The following WDFY3 variants were observed in gnomAD, a reference collection of about 807,000 sequenced individuals.
WDFY3 encodes WD repeat and FYVE domain containing 3, also known as WD repeat and FYVE domain-containing protein 3.
WDFY3 carries 66 observed loss-of-function variants against 409.6 expected under a neutral mutation model. The ratio of observed to expected loss-of-function variants is 0.16; its 90% CI spans 0.13 to 0.20. The LOEUF (loss-of-function observed/expected upper bound fraction) is 0.20, where lower values mean the gene tolerates loss of function less well. WDFY3 is among the 10% of genes least tolerant of loss of function. WDFY3 has a pLI of 1.00. For synonymous variants in WDFY3, 1,521 were observed against 1,537.1 expected (o/e 0.99, Z 0.25); for missense variants, 3,031 against 4,298.1 (o/e 0.71, Z 8.24).
At chr4:84,709,605 TTTGAG>T (rs1327319831) in intron 51 of WDFY3, among the ~76,000 whole-genome samples, 6 of 149,746 alleles carry the variant, frequency 4.0e-5, no homozygotes, top group African/African-American at 1.3e-4. Context: ...GTGAATTTTG[TTTGAG>T]TTGAGTATTT....
At chr4:84,742,722 C>A (rs188483798) in intron 37 of WDFY3, among the ~76,000 whole-genome samples, 133 of 152,272 alleles carry the variant, frequency 8.7e-4, no homozygotes, top group Non-Finnish European at 1.2e-3. Context: ...CACAGTCCTT[C>A]CGAGAATCAA....
At chr4:84,788,953 G>C (rs1372984019) in intron 22 of WDFY3, among the ~76,000 whole-genome samples, 2 of 152,192 alleles carry the variant, frequency 1.3e-5, no homozygotes, top group Non-Finnish European at 2.9e-5. Flanking sequence ...CCAGGAGGTG[G>C]AGGTTGCGGT....
chr4:84,704,787 G>A (rs1731646431), intron 54 of WDFY3, among the ~76,000 whole-genome samples: 2 of 152,090 alleles, frequency 1.3e-5, no homozygotes, highest in African/African-American at 2.4e-5. Flanking sequence ...TTCTGGCTTT[G>A]CAATTATATA....
At chr4:84,727,481 A>G (rs1008747108) in intron 44 of WDFY3, among the ~76,000 whole-genome samples, 2 of 152,178 alleles carry the variant, frequency 1.3e-5, no homozygotes, top group African/African-American at 4.8e-5. Flanking sequence ...AAAGGGTGAA[A>G]GCAGAGGGTA....
At chr4:84,921,850 T>C (rs1769333044) in intron 2 of WDFY3, among the ~76,000 whole-genome samples, 1 of 151,344 alleles carries the variant, frequency 6.6e-6, no homozygotes, top group Admixed American at 6.6e-5. Context: ...AGAGACAAGG[T>C]TTCACCATCT....
intron 5 of WDFY3, among the ~76,000 whole-genome samples, chr4:84,847,485 C>T (rs1461794769): frequency 1.3e-5 from 2 of 150,732 alleles, no homozygotes; most frequent in Non-Finnish European, 3.0e-5. Flanking sequence ...AACAAGAAAC[C>T]GCCGGGCGCA....
intron 40 of WDFY3, among the ~76,000 whole-genome samples, chr4:84,737,765 T>C (rs942021320): frequency 3.3e-5 from 5 of 152,198 alleles, no homozygotes; most frequent in African/African-American, 1.2e-4. Context: ...AGAAATATTT[T>C]GAAAAGACTT....
At chr4:84,813,742 T>C (rs1752857770) in intron 13 of WDFY3, among the ~76,000 whole-genome samples, 1 of 152,074 alleles carries the variant, frequency 6.6e-6, no homozygotes, top group African/African-American at 2.4e-5. Context: ...AAAAATCCAA[T>C]TAATAAGGTA....
At chr4:84,836,822 TA>T in intron 7 of WDFY3, 106 bp downstream of exon 7, 1 of 1,003,658 alleles carries the variant, frequency 1.0e-6, no homozygotes, top group Admixed American at 3.5e-5. Context: ...CTATCATAAA[TA>T]AAATGAAATA....
At chr4:84,957,472 T>C (rs1052097259) in intron 1 of WDFY3, among the ~76,000 whole-genome samples, 13 of 152,208 alleles carry the variant, frequency 8.5e-5, no homozygotes, top group African/African-American at 2.7e-4. Flanking sequence ...GTCTTACATC[T>C]TCTGCAGATA....
At chr4:84,898,043 A>G (rs1327235818) in intron 2 of WDFY3, among the ~76,000 whole-genome samples, 2 of 152,230 alleles carry the variant, frequency 1.3e-5, no homozygotes, top group Non-Finnish European at 2.9e-5. Flanking sequence ...ATGGCATATG[A>G]AAGAGCCTAA....
Position 84,696,177 on chromosome 4 carries a change from C to T in WDFY3, c.8694G>A (p.Leu2898=). 2 of 1,613,870 alleles carry T rather than the reference C, an allele frequency of 1.2e-6. No homozygotes were observed. Among genetic ancestry groups the T allele is most frequent in the South Asian group, 1.1e-5 (1 of 91,030 alleles). Residue 2898 remains leucine (L), a synonymous_variant, in exon 58 of 68, where the codon TTG becomes TTA. Coordinates refer to ENST00000295888, the MANE Select transcript of WDFY3 (RefSeq NM_014991.6). ...REFIRVHREA[L]ECDYVSAHLH... is the part of the protein sequence containing the mutation. ...GATGGGCACTCACGTAATCACACTC[C>T]AAAGCCTGTAATTTCAAACATAGGT...
At chr4:84,929,641 G>A (rs530996491) in intron 2 of WDFY3, among the ~76,000 whole-genome samples, 2 of 152,166 alleles carry the variant, frequency 1.3e-5, no homozygotes, top group Admixed American at 1.3e-4. Context: ...CGGGCGTGGT[G>A]GCTCACGCCT....
At chr4:84,846,542 G>C (rs1365969849) in intron 5 of WDFY3, among the ~76,000 whole-genome samples, 3 of 149,714 alleles carry the variant, frequency 2.0e-5, no homozygotes, top group Non-Finnish European at 1.5e-5. Flanking sequence ...ATGCAGATTA[G>C]GTATTTAAAA....
intron 47 of WDFY3, among the ~76,000 whole-genome samples, chr4:84,719,905 C>A (rs1462486483): frequency 6.6e-6 from 1 of 152,142 alleles, no homozygotes; most frequent in South Asian, 2.1e-4. Context: ...TTAGGGCATA[C>A]ATTTGAACGG....
At chr4:84,827,135 T>C (rs1311081753) in intron 9 of WDFY3, among the ~76,000 whole-genome samples, 154 bp from the exon 10 acceptor site, 2 of 152,154 alleles carry the variant, frequency 1.3e-5, no homozygotes, top group Non-Finnish European at 2.9e-5. Flanking sequence ...GGAATTATCT[T>C]TTAACCACGG....
rs1472548658 is a variant in WDFY3, at chr4:84,829,078, G to A, written c.882C>T (p.Ser294=). The part of the protein sequence containing the change: ...AGLSCFLKDS[S]DVSQTLLDDF... ...CATCCAGAAGTGTTTGGGAAACATC[G>A]CTGGAATCTTTGAGGAAACAAGAAA... is the stretch of plus-strand genomic sequence containing the variant. Residue 294 remains serine (S), a synonymous_variant, in exon 9 of 68, where the codon AGC becomes AGT. Transcript: ENST00000295888. 3.7e-6 allele frequency: 6 copies of A among 1,613,694 alleles called. No homozygotes were observed. The highest frequency in any genetic ancestry group is 1.3e-5 in the African/African-American group (1 of 74,994).
chr4:84,881,903 A>C (rs1171563754), intron 3 of WDFY3, among the ~76,000 whole-genome samples: 1 of 152,128 alleles, frequency 6.6e-6, no homozygotes, highest in Non-Finnish European at 1.5e-5. Flanking sequence ...AAGATTATTA[A>C]GATCTATTAT....
At chr4:84,803,217 C>T (rs1412263216) in intron 16 of WDFY3, 73 bp downstream of exon 16, 6 of 1,434,914 alleles carry the variant, frequency 4.2e-6, no homozygotes, top group Non-Finnish European at 5.5e-6. Flanking sequence ...AACCCCCTAG[C>T]TCATATAATC....
Sources: gnomAD v4.1 joint callset for allele counts (sites outside exome capture counted in the v4.1 genomes callset) on GRCh38, gnomAD v4.1.1 for gene constraint, MANE v1.5 for transcripts, NCBI Gene and HGNC (gene_info 2026-07-23, HGNC 2026-07-21) for gene names.